Variants in NXPE2 observed in about 807,000 individuals in gnomAD.
NXPE2 encodes the protein NXPE family member 2.
Under a neutral mutation model 34.4 loss-of-function variants are expected in NXPE2, and 34 were observed. The observed-to-expected ratio is 0.99, with a 90% CI of 0.75 to 1.31. NXPE2 has a LOEUF of 1.31. Ranked by LOEUF, NXPE2 falls within the 40% of genes most tolerant of loss-of-function variation. NXPE2 has a pLI of 0.00. For synonymous variants in NXPE2, 235 were observed against 231.3 expected (o/e 1.02, Z -0.15); for missense variants, 649 against 672.5 (o/e 0.97, Z 0.39).
At chr11:114,550,994 G>A in the NXPE2 span, 2 of 632,950 alleles carry the variant, frequency 3.2e-6, no homozygotes, top group Non-Finnish European at 5.6e-6. Context: ...TAGGGCAGTA[G>A]TTGAGGTGGG....
At chr11:114,662,360 G>A in the NXPE2 span, among the ~76,000 whole-genome samples, 1 of 152,156 alleles carries the variant, frequency 6.6e-6, no homozygotes. Context: ...GCCCTAGCCA[G>A]AGGGGAATTA....
At chr11:114,677,908 T>C (rs1022721677), upstream of NXPE2, among the ~76,000 whole-genome samples, 2 of 152,052 alleles carry the variant, frequency 1.3e-5, no homozygotes, top group African/African-American at 4.8e-5. Context: ...TGAAAATCCT[T>C]AGTGTCATGA....
the NXPE2 span, among the ~76,000 whole-genome samples, chr11:114,604,428 C>T: frequency 6.6e-6 from 1 of 152,006 alleles, no homozygotes; most frequent in African/African-American, 2.4e-5. Context: ...TCGTGGGTAA[C>T]CATTGTTACC....
At chr11:114,758,357 G>A in the NXPE2 span, among the ~76,000 whole-genome samples, 5 of 152,322 alleles carry the variant, frequency 3.3e-5, no homozygotes, top group African/African-American at 1.2e-4. Flanking sequence ...TTGCAACTCA[G>A]CTTCTCTTCA....
At chr11:114,467,383 A>G in the NXPE2 span, among the ~76,000 whole-genome samples, 1 of 152,164 alleles carries the variant, frequency 6.6e-6, no homozygotes, top group East Asian at 1.9e-4. Context: ...ACTTTTTGGG[A>G]AGAAAAGGTC....
chr11:114,530,909 C>A, the NXPE2 span: 31 of 1,600,952 alleles, frequency 1.9e-5, no homozygotes, highest in Non-Finnish European at 2.2e-5. Context: ...CAGACCAAAG[C>A]TGAAATGACA....
At chr11:114,740,432 A>C in the NXPE2 span, among the ~76,000 whole-genome samples, 1 of 152,142 alleles carries the variant, frequency 6.6e-6, no homozygotes, top group African/African-American at 2.4e-5. Flanking sequence ...TTCGACATGC[A>C]AGTGCAAGTT....
At chr11:114,519,095 A>AC in the NXPE2 span, among the ~76,000 whole-genome samples, 3 of 152,238 alleles carry the variant, frequency 2.0e-5, no homozygotes, top group East Asian at 5.8e-4. Context: ...TGACCAATTG[A>AC]CCCCACAATT....
At chr11:114,500,867 G>T in the NXPE2 span, among the ~76,000 whole-genome samples, 1 of 152,094 alleles carries the variant, frequency 6.6e-6, no homozygotes, top group Non-Finnish European at 1.5e-5. Flanking sequence ...ACCATTTGTA[G>T]AAAAGACTGT....
the NXPE2 span, among the ~76,000 whole-genome samples, chr11:114,716,286 C>T: frequency 6.6e-6 from 1 of 152,166 alleles, no homozygotes; most frequent in African/African-American, 2.4e-5. Context: ...CTCCCTTCAC[C>T]TACTCTGGAT....
chr11:114,527,871 A>T, the NXPE2 span: 2 of 1,606,954 alleles, frequency 1.2e-6, no homozygotes, highest in Admixed American at 3.4e-5. Context: ...TGTGTTTACG[A>T]TCCTTCATCA....
chr11:114,718,890 A>G, the NXPE2 span, among the ~76,000 whole-genome samples: 1 of 152,244 alleles, frequency 6.6e-6, no homozygotes, highest in Middle Eastern at 3.4e-3. Context: ...CCCCAAAGTA[A>G]TGGTATTAAG....
chr11:114,646,035 G>A, the NXPE2 span, among the ~76,000 whole-genome samples: 6 of 152,040 alleles, frequency 3.9e-5, no homozygotes, highest in Non-Finnish European at 5.9e-5. Context: ...GATTTTGCTA[G>A]GTTAAATGCA....
At chr11:114,499,282 C>T in the NXPE2 span, among the ~76,000 whole-genome samples, 1 of 152,020 alleles carries the variant, frequency 6.6e-6, no homozygotes, top group Non-Finnish European at 1.5e-5. Flanking sequence ...CTGCAAGAGG[C>T]TTGTCCATTT....
chr11:114,648,756 C>T, the NXPE2 span, among the ~76,000 whole-genome samples: 1 of 152,102 alleles, frequency 6.6e-6, no homozygotes. Context: ...AACTTACTAA[C>T]TTCTTCTCCA....
chr11:114,740,255 G>A, the NXPE2 span, among the ~76,000 whole-genome samples: 1 of 152,066 alleles, frequency 6.6e-6, no homozygotes, highest in African/African-American at 2.4e-5. Flanking sequence ...ATGACTAGGG[G>A]TAACTGAAAC....
chr11:114,577,039 ATAAAGTTATATATATAT>A, the NXPE2 span, among the ~76,000 whole-genome samples: 174 of 32,514 alleles, frequency 5.4e-3, no homozygotes, highest in Admixed American at 0.023. Flanking sequence ...ATATATATAT[ATAAAGTTATATATATAT>A]ACATATATAT....
chr11:114,645,146 A>G, the NXPE2 span, among the ~76,000 whole-genome samples: 1 of 152,014 alleles, frequency 6.6e-6, no homozygotes, highest in African/African-American at 2.4e-5. Flanking sequence ...TACTAAAAAT[A>G]CAAAAATTAG....
chr11:114,592,568 TG>T, the NXPE2 span, among the ~76,000 whole-genome samples: 4 of 151,796 alleles, frequency 2.6e-5, no homozygotes, highest in African/African-American at 4.8e-5. Flanking sequence ...TCCATGTTAA[TG>T]GGTTAGAAGA....
Sources: gnomAD v4.1 joint callset for allele counts (sites outside exome capture counted in the v4.1 genomes callset) on GRCh38, gnomAD v4.1.1 for gene constraint, MANE v1.5 for transcripts, NCBI Gene and HGNC (gene_info 2026-07-23, HGNC 2026-07-21) for gene names.